The following EIF1AD variants were observed in gnomAD, a reference collection of about 807,000 sequenced individuals.
The protein encoded by EIF1AD is probable RNA-binding protein EIF1AD.
In EIF1AD, 9 loss-of-function variants were observed where a neutral mutation model predicts 21.7. The ratio of observed to expected loss-of-function variants is 0.41; its 90% CI spans 0.25 to 0.72. The LOEUF (loss-of-function observed/expected upper bound fraction) is 0.72, where lower values mean the gene tolerates loss of function less well. Ranked by LOEUF, EIF1AD falls within the 30% of genes least tolerant of loss-of-function variation. The pLI is 0.29. For missense variants in EIF1AD, 164 were observed against 199.7 expected (o/e 0.82, Z 1.08); for synonymous variants, 78 against 70.9 (o/e 1.10, Z -0.50).
At chr11:65,998,883 A>C (rs1214774690) in intron 5 of EIF1AD, 140 bp from the exon 6 acceptor site, 1 of 929,918 alleles carries the variant, frequency 1.1e-6, no homozygotes, top group Non-Finnish European at 1.6e-6. Flanking sequence ...AACAAGGGAC[A>C]CAGGAGAGCA....
Position 65,998,971 on chromosome 11 carries a change from T to C in EIF1AD, c.354-228A>G, listed in dbSNP as rs372457794. 4.6e-5 allele frequency among the ~76,000 whole-genome samples: 7 copies of C among 152,234 alleles called. No individual in the cohort carries two copies. The East Asian group carries it at 1.3e-3, about 29-fold the overall frequency. On this transcript the variant is annotated intron_variant, in intron 5 of 5. Transcript: ENST00000533544. The stretch of plus-strand genomic sequence containing the variant: ...CAAACGTGTGCCACAGCCATTTGTT[T>C]TAGTTAGAAATAATGATTCTACGAC...
intron 1 of EIF1AD, among the ~76,000 whole-genome samples, chr11:66,001,597 C>A (rs1855974268): frequency 6.6e-6 from 1 of 151,840 alleles, no homozygotes; most frequent in Non-Finnish European, 1.5e-5. Flanking sequence ...TAAACCGTAT[C>A]TTTCTCAACA....
intron 5 of EIF1AD, 37 bp from the exon 6 acceptor site, chr11:65,998,780 C>G: frequency 6.3e-7 from 1 of 1,599,568 alleles, no homozygotes; most frequent in East Asian, 2.2e-5. Context: ...AGCCCAGCGC[C>G]TTCTGGGAAA....
At position 65,998,010 on chromosome 11, in the gene EIF1AD, T is replaced by G. The variant is rs1486173664; in HGVS notation, c.*589A>C. The G allele has an allele frequency of 6.6e-6, 1 of 152,366 alleles. No homozygotes were observed. The highest frequency in any genetic ancestry group is 1.5e-5 in the Non-Finnish European group (1 of 68,284). 9.4% of individuals were successfully genotyped at this position (152,366 alleles called of 1,614,324 possible). A position where few individuals can be genotyped will look rare whatever the true frequency, so the allele number is the denominator to read the frequency against. On this transcript the variant is annotated 3_prime_UTR_variant, in exon 6 of 6. Transcript: ENST00000533544. The stretch of plus-strand genomic sequence containing the variant: ...GATAGATGGTGCAGAGTGGGAGAGA[T>G]GAGGTCGTATGTGGGGATGGACACA...
At position 65,999,478 on chromosome 11, in the gene EIF1AD, G is replaced by A. The variant is rs551520901; in HGVS notation, c.306-81C>T. ...GCTGCTTCCAGCTGTGTCTGCCTGG[G>A]ATGCCATGACCTTCCCTCCCCTAAT... On this transcript the variant is annotated intron_variant, in intron 4 of 5. Coordinates refer to ENST00000533544, the MANE Select transcript of EIF1AD (RefSeq NM_001242481.2). 371 of 1,609,064 alleles carry A rather than the reference G, an allele frequency of 2.3e-4. No homozygotes were observed. The Middle Eastern group carries it at 3.5e-3, about 15-fold the overall frequency.
intron 1 of EIF1AD, 63 bp downstream of exon 1, chr11:66,001,847 G>A (rs1855985419): frequency 6.6e-6 from 1 of 152,276 alleles, no homozygotes; most frequent in South Asian, 2.1e-4. Context: ...GTCGTCTCTA[G>A]TTGCTGTCCT....
intron 5 of EIF1AD, among the ~76,000 whole-genome samples, chr11:65,998,950 C>A (rs1481483918): frequency 3.3e-5 from 5 of 152,182 alleles, no homozygotes; most frequent in Admixed American, 3.3e-4. Context: ...ACTCCCCAAA[C>A]GTGTGCCACA....
In EIF1AD at chr11:66,000,463, C is replaced by A. The variant is rs942619643; in HGVS notation, c.-74G>T. The A allele has an allele frequency of 5.0e-5, 74 of 1,467,780 alleles. No homozygotes were observed. Among genetic ancestry groups the A allele is most frequent in the Middle Eastern group, 4.3e-4 (2 of 4,630 alleles). 90.9% of individuals were successfully genotyped at this position (1,467,780 alleles called of 1,614,324 possible). A position where few individuals can be genotyped will look rare whatever the true frequency, so the allele number is the denominator to read the frequency against. ...CCTCCTGAGTTCCTTGGATGGCAGG[C>A]TCAGAACCCAGGACTGTTCTGAAGA... On this transcript the variant is annotated 5_prime_UTR_variant, in exon 2 of 6. Coordinates refer to ENST00000533544, the MANE Select transcript of EIF1AD (RefSeq NM_001242481.2).
rs1241758463 is a variant in EIF1AD, at chr11:66,000,178, C to G, written c.88-17G>C. 6.2e-7 allele frequency: 1 copy of G among 1,608,908 alleles called. No individual in the cohort carries two copies. The highest frequency in any genetic ancestry group is 8.5e-7 in the Non-Finnish European group (1 of 1,175,420). On this transcript the variant is annotated splice_polypyrimidine_tract_variant and intron_variant, in intron 2 of 5. Coordinates refer to ENST00000533544, the MANE Select transcript of EIF1AD (RefSeq NM_001242481.2). Reference sequence around the variant, plus strand: ...CCTGAGTACCTGGTTCAGGAGAGACCAAGAATCAGTCTCATCAGTCAGATC... The same window carrying G: ...CCTGAGTACCTGGTTCAGGAGAGACGAAGAATCAGTCTCATCAGTCAGATC...
rs1353213893 is a variant in EIF1AD at position 65,997,501 on chromosome 11, C to T, written c.*1098G>A. The T allele has an allele frequency of 6.6e-6, 1 of 152,118 alleles. No homozygotes were observed. The highest frequency in any genetic ancestry group is 2.1e-4 in the South Asian group (1 of 4,826). The allele number at this position is 152,118 out of a possible 1,614,324, so 9.4% of individuals were successfully genotyped here. ...GAGGCATGTGTTGTGGTAACTACCA[C>T]AAGGGGGAATTGATAGATAAGACAG... On this transcript the variant is annotated 3_prime_UTR_variant, in exon 6 of 6. Transcript: ENST00000533544.
intron 1 of EIF1AD, among the ~76,000 whole-genome samples, chr11:66,001,307 A>C (rs1855950047): frequency 6.6e-6 from 1 of 151,856 alleles, no homozygotes; most frequent in Non-Finnish European, 1.5e-5. Context: ...CCCTCTCTCT[A>C]CAAAAATACA....
intron 1 of EIF1AD, among the ~76,000 whole-genome samples, chr11:66,001,514 A>G (rs1240470105): frequency 1.3e-5 from 2 of 151,252 alleles, no homozygotes; most frequent in East Asian, 1.9e-4. Flanking sequence ...AATCTTAAGT[A>G]CTAGTGTAAT....
chr11:65,998,715 G>A lies in EIF1AD; in HGVS notation c.382C>T (p.Pro128Ser). 3 of 1,614,154 alleles carry A rather than the reference G, an allele frequency of 1.9e-6. No individual in the cohort carries two copies. Among genetic ancestry groups the A allele is most frequent in the Non-Finnish European group, 2.5e-6 (3 of 1,180,020 alleles). ...RQTQPELPAE[P>S]QLSGEESSSE... The stretch of plus-strand genomic sequence containing the variant: ...CTGGACTCCTCTCCTGATAACTGTG[G>A]CTCAGCTGGGAGTTCTGGTTGAGTT... Residue 128 changes from proline to serine, a missense_variant, in exon 6 of 6, where the codon CCA (proline) becomes TCA (serine). By Grantham distance (74) the Pro-to-Ser change is moderately conservative (BLOSUM62 -1). Transcript: ENST00000533544.
chr11:65,998,853 C>A (rs1330866465), intron 5 of EIF1AD, 110 bp from the exon 6 acceptor site: 4 of 1,238,308 alleles, frequency 3.2e-6, no homozygotes, highest in Non-Finnish European at 4.5e-6. Flanking sequence ...CAGGGCCCTA[C>A]AGCACCCTTT....
chr11:66,000,005 C>T (rs1855880104), intron 3 of EIF1AD, 48 bp downstream of exon 3: 1 of 1,446,212 alleles, frequency 6.9e-7, no homozygotes, highest in Non-Finnish European at 9.7e-7. Flanking sequence ...AGCGATCCTC[C>T]CATCTCAGCC....
In EIF1AD at chr11:66,002,017, G is replaced by C. The variant is rs988930795; in HGVS notation, c.-224C>G. On this transcript the variant is annotated 5_prime_UTR_variant, in exon 1 of 6. Transcript: ENST00000533544. ...ACGACTCACTTCAAGGCTGAACCAA[G>C]AAAACACAGTAAAGGAACTTGCCGG... 1.3e-5 allele frequency: 2 copies of C among 152,232 alleles called. No homozygotes were observed. The highest frequency in any genetic ancestry group is 4.8e-5 in the African/African-American group (2 of 41,450). 9.4% of individuals were successfully genotyped at this position (152,232 alleles called of 1,614,324 possible). A position where few individuals can be genotyped will look rare whatever the true frequency, so the allele number is the denominator to read the frequency against.
rs1218705751 is a variant in EIF1AD at position 65,998,481 on chromosome 11, A to G, written c.*118T>C. The G allele has an allele frequency of 2.3e-6, 3 of 1,313,544 alleles. No homozygotes were observed. The highest frequency in any genetic ancestry group is 3.1e-6 in the Non-Finnish European group (3 of 957,246). The allele number at this position is 1,313,544 out of a possible 1,614,324, so 81.4% of individuals were successfully genotyped here. A position where few individuals can be genotyped will look rare whatever the true frequency, so the allele number is the denominator to read the frequency against. On this transcript the variant is annotated 3_prime_UTR_variant, in exon 6 of 6. Transcript: ENST00000533544. ...TCTGAATCAAAAGATCAGTTCAGAG[A>G]GGAGCCCTGCTTTGTCCTCATGCAG...
chr11:65,996,704 G>C lies in EIF1AD; in HGVS notation c.*1895C>G, dbSNP rs1855737026. On this transcript the variant is annotated 3_prime_UTR_variant, in exon 6 of 6. Transcript: ENST00000533544. ...AAATGAAGTGGTAGCTGGAGGACGT[G>C]GGAATCAGTACAGGTTTTCACGCCT... is the stretch of plus-strand genomic sequence containing the variant. The C allele has an allele frequency of 6.6e-6, 1 of 152,124 alleles. No homozygotes were observed. The highest frequency in any genetic ancestry group is 1.5e-5 in the Non-Finnish European group (1 of 68,028). 9.4% of individuals were successfully genotyped at this position (152,124 alleles called of 1,614,324 possible). A position where few individuals can be genotyped will look rare whatever the true frequency, so the allele number is the denominator to read the frequency against.
Position 65,998,510 on chromosome 11 carries a change from TGAAGA to T in EIF1AD, c.*84_*88del. ...GCCCTGCTTTGTCCTCATGCAGGGG[TGAAGA>T]TGTGCAGAGCACCCTGGGAATGTCC... On this transcript the variant is annotated 3_prime_UTR_variant, in exon 6 of 6. Transcript: ENST00000533544. 6.7e-7 allele frequency: 1 copy of T among 1,502,630 alleles called. No homozygotes were observed. Among genetic ancestry groups the T allele is most frequent in the South Asian group, 1.3e-5 (1 of 79,002 alleles). The allele number at this position is 1,502,630 out of a possible 1,614,324, so 93.1% of individuals were successfully genotyped here. A position where few individuals can be genotyped will look rare whatever the true frequency, so the allele number is the denominator to read the frequency against.
Sources: allele counts gnomAD v4.1 joint callset (sites outside exome capture counted in the v4.1 genomes callset), GRCh38; gene constraint gnomAD v4.1.1; transcripts MANE v1.5; gene names NCBI Gene and HGNC (gene_info 2026-07-23, HGNC 2026-07-21).